Variants in FSTL5 observed in about 807,000 individuals in gnomAD.
FSTL5 encodes follistatin like 5.
A neutral mutation model predicts 89.1 loss-of-function variants in FSTL5; 62 were observed. The observed-to-expected ratio is 0.70, with a 90% CI of 0.57 to 0.86. The LOEUF (loss-of-function observed/expected upper bound fraction) is 0.86, where lower values mean the gene tolerates loss of function less well. Among genes scored for constraint, FSTL5 ranks in the 40% least tolerant of loss-of-function variants. FSTL5 has a pLI of 0.00. For missense variants in FSTL5, 1,057 were observed against 1,001.6 expected (o/e 1.06, Z -0.75); for synonymous variants, 383 against 346.2 (o/e 1.11, Z -1.18).
At chr4:161,530,972 C>G (rs1310570208) in intron 10 of FSTL5, among the ~76,000 whole-genome samples, 1 of 152,110 alleles carries the variant, frequency 6.6e-6, no homozygotes, top group African/African-American at 2.4e-5. Context: ...AATCCCTTCA[C>G]ATAATTTATA....
chr4:161,874,533 C>G (rs949172216), intron 4 of FSTL5, among the ~76,000 whole-genome samples: 3 of 150,364 alleles, frequency 2.0e-5, no homozygotes, highest in African/African-American at 7.3e-5. Context: ...ATCCCTCATG[C>G]TCTCCACAGC....
rs1350744341 is a variant in FSTL5, at chr4:161,691,712, C to T, written c.728-35218G>A. ...TTTCTTTTGGCAGTGTTTTGTAGTTCTAAGCATACAAGTCTTTTAGCTCCT... is the reference window on the plus strand; with the variant it reads ...TTTCTTTTGGCAGTGTTTTGTAGTTTTAAGCATACAAGTCTTTTAGCTCCT... On this transcript the variant is annotated intron_variant, in intron 6 of 15. Transcript: ENST00000306100. Among the ~76,000 whole-genome samples, 4 of 152,042 alleles carry T rather than the reference C, an allele frequency of 2.6e-5. No homozygotes were observed. In the East Asian group the frequency reaches 7.7e-4, roughly 29 times the overall value.
intron 2 of FSTL5, among the ~76,000 whole-genome samples, chr4:162,057,749 G>C (rs774748769): frequency 6.6e-6 from 1 of 152,008 alleles, no homozygotes; most frequent in Non-Finnish European, 1.5e-5. Flanking sequence ...TTGGAGACCA[G>C]CCTGGCCAAC....
At chr4:161,590,065 T>G (rs10021947) in intron 7 of FSTL5, among the ~76,000 whole-genome samples, 3 of 152,120 alleles carry the variant, frequency 2.0e-5, no homozygotes, top group South Asian at 2.1e-4. Flanking sequence ...AACAGCCACA[T>G]ACAACATACC....
intron 3 of FSTL5, among the ~76,000 whole-genome samples, chr4:161,935,239 A>T (rs900347362): frequency 5.9e-5 from 9 of 152,112 alleles, no homozygotes; most frequent in African/African-American, 1.7e-4. Flanking sequence ...CCAAGGCAGT[A>T]GGGAGAGAAA....
intron 3 of FSTL5, among the ~76,000 whole-genome samples, chr4:161,971,590 C>T (rs982585370): frequency 1.2e-4 from 18 of 151,948 alleles, no homozygotes; most frequent in African/African-American, 4.4e-4. Context: ...ATTGTAATTA[C>T]CTAAACATTC....
intron 8 of FSTL5, among the ~76,000 whole-genome samples, chr4:161,587,093 A>C: frequency 6.6e-6 from 1 of 152,272 alleles, no homozygotes; most frequent in Middle Eastern, 3.4e-3. Context: ...ACAGTAGTCT[A>C]TATCATTAAA....
intron 4 of FSTL5, among the ~76,000 whole-genome samples, chr4:161,894,967 C>A (rs964421924): frequency 4.6e-5 from 7 of 152,182 alleles, no homozygotes. Flanking sequence ...ATTATAATAG[C>A]TATCATACAC....
intron 13 of FSTL5, among the ~76,000 whole-genome samples, chr4:161,469,402 C>T (rs1018375276): frequency 6.6e-6 from 1 of 152,126 alleles, no homozygotes; most frequent in African/African-American, 2.4e-5. Flanking sequence ...AGCAGTTCCA[C>T]CATTTTATAT....
chr4:161,428,400 C>A (rs892292992), intron 15 of FSTL5, among the ~76,000 whole-genome samples: 3 of 152,176 alleles, frequency 2.0e-5, no homozygotes, highest in African/African-American at 7.2e-5. Context: ...CGACCTAGGG[C>A]GTGGTTGCAC....
At chr4:161,828,650 T>G (rs1420236177) in intron 4 of FSTL5, among the ~76,000 whole-genome samples, 5 of 151,950 alleles carry the variant, frequency 3.3e-5, no homozygotes, top group Non-Finnish European at 7.4e-5. Context: ...TTCTACTAGA[T>G]TATATTATTT....
At chr4:161,930,020 A>G (rs1399457309) in intron 3 of FSTL5, among the ~76,000 whole-genome samples, 2 of 151,810 alleles carry the variant, frequency 1.3e-5, no homozygotes, top group African/African-American at 4.8e-5. Flanking sequence ...AGCCATATTT[A>G]TAATAGTTGC....
At chr4:162,067,242 T>G (rs1738951365) in intron 2 of FSTL5, among the ~76,000 whole-genome samples, 1 of 151,954 alleles carries the variant, frequency 6.6e-6, no homozygotes, top group Non-Finnish European at 1.5e-5. Context: ...TTTTGTAGAG[T>G]GGGTTGCACC....
intron 15 of FSTL5, among the ~76,000 whole-genome samples, chr4:161,425,710 G>C (rs567257632): frequency 6.6e-6 from 1 of 152,252 alleles, no homozygotes; most frequent in Non-Finnish European, 1.5e-5. Context: ...TTTGGAGCTG[G>C]AGTGACTTTG....
chr4:161,779,079 A>G (rs1579085919), intron 4 of FSTL5, among the ~76,000 whole-genome samples: 1 of 152,306 alleles, frequency 6.6e-6, no homozygotes, highest in East Asian at 1.9e-4. Flanking sequence ...ATAGGAGTTA[A>G]ACACTGAAAA....
At chr4:161,854,720 T>C (rs1195502788) in intron 4 of FSTL5, among the ~76,000 whole-genome samples, 1 of 152,100 alleles carries the variant, frequency 6.6e-6, no homozygotes, top group Non-Finnish European at 1.5e-5. Flanking sequence ...ATGAGAAATG[T>C]ACAAAATATA....
chr4:162,028,851 T>A (rs956368590), intron 3 of FSTL5, among the ~76,000 whole-genome samples: 5 of 152,188 alleles, frequency 3.3e-5, no homozygotes, highest in Non-Finnish European at 7.3e-5. Context: ...CCCATTTCTA[T>A]CTATTCACCA....
At chr4:162,034,408 G>C (rs1210426613) in intron 2 of FSTL5, among the ~76,000 whole-genome samples, 3 of 152,042 alleles carry the variant, frequency 2.0e-5, no homozygotes, top group Non-Finnish European at 4.4e-5. Context: ...AACTGTCTTT[G>C]CTTTAGTTTA....
intron 6 of FSTL5, among the ~76,000 whole-genome samples, chr4:161,685,198 T>C (rs1471682246): frequency 1.3e-5 from 2 of 152,176 alleles, no homozygotes; most frequent in Non-Finnish European, 2.9e-5. Context: ...TCCAGATATG[T>C]TCTTTTTGTT....
Sources: allele counts gnomAD v4.1 joint callset (sites outside exome capture counted in the v4.1 genomes callset), GRCh38; gene constraint gnomAD v4.1.1; transcripts MANE v1.5; gene names NCBI Gene and HGNC (gene_info 2026-07-23, HGNC 2026-07-21).